Variants in GALNT13 observed in about 807,000 individuals in gnomAD.
GALNT13 encodes polypeptide N-acetylgalactosaminyltransferase 13.
GALNT13 carries 28 observed loss-of-function variants against 64.2 expected under a neutral mutation model. The ratio of observed to expected loss-of-function variants is 0.44; its 90% CI spans 0.32 to 0.60. The LOEUF (loss-of-function observed/expected upper bound fraction) is 0.60. Among genes scored for constraint, GALNT13 ranks in the 20% least tolerant of loss-of-function variants. The pLI, the probability that GALNT13 is intolerant of heterozygous loss-of-function variation, is 0.05. For missense variants in GALNT13, 577 were observed against 669.8 expected (o/e 0.86, Z 1.53); for synonymous variants, 214 against 224.6 (o/e 0.95, Z 0.42).
At chr2:154,150,514 C>T (rs1207125553) in intron 4 of GALNT13, among the ~76,000 whole-genome samples, 9 of 151,902 alleles carry the variant, frequency 5.9e-5, no homozygotes, top group South Asian at 4.2e-4. Context: ...GTACCAGTTC[C>T]TCCTTGTACC....
intron 11 of GALNT13, among the ~76,000 whole-genome samples, chr2:154,424,399 A>G (rs1225194734): frequency 1.3e-5 from 2 of 152,202 alleles, no homozygotes; most frequent in Non-Finnish European, 2.9e-5. Flanking sequence ...TGTATGTGCT[A>G]TATCATATTT....
At chr2:154,300,119 A>C in intron 8 of GALNT13, among the ~76,000 whole-genome samples, 1 of 13,818 alleles carries the variant, frequency 7.2e-5, no homozygotes, top group South Asian at 2.1e-3. Context: ...TTTTTTTTTG[A>C]GATAGAGTTT....
chr2:153,595,539 A>G, the GALNT13 span, among the ~76,000 whole-genome samples: 1 of 152,044 alleles, frequency 6.6e-6, no homozygotes, highest in Non-Finnish European at 1.5e-5. Context: ...TCATAAAGCC[A>G]TTAAATTCTA....
At chr2:154,292,219 C>T (rs1692686536) in intron 8 of GALNT13, among the ~76,000 whole-genome samples, 1 of 152,084 alleles carries the variant, frequency 6.6e-6, no homozygotes, top group African/African-American at 2.4e-5. Flanking sequence ...TAGGTGTATA[C>T]TAGATGTGTC....
chr2:153,753,230 C>T, the GALNT13 span, among the ~76,000 whole-genome samples: 3 of 152,010 alleles, frequency 2.0e-5, no homozygotes, highest in African/African-American at 7.2e-5. Context: ...TCTGTTTCTC[C>T]AGGATTGGTC....
chr2:154,144,928 A>G (rs916642299), intron 4 of GALNT13, among the ~76,000 whole-genome samples: 1 of 151,552 alleles, frequency 6.6e-6, no homozygotes, highest in African/African-American at 2.4e-5. Flanking sequence ...TTTTTTTGAT[A>G]GAAGATGCTA....
At chr2:154,373,178 A>G (rs181593296) in intron 9 of GALNT13, among the ~76,000 whole-genome samples, 1 of 152,096 alleles carries the variant, frequency 6.6e-6, no homozygotes, top group Non-Finnish European at 1.5e-5. Context: ...AACCTTCAAC[A>G]CTTATTTATT....
the GALNT13 span, among the ~76,000 whole-genome samples, chr2:153,431,055 C>T: frequency 1.5e-4 from 22 of 151,022 alleles, no homozygotes; most frequent in African/African-American, 5.4e-4. Context: ...GAGGCTGAGG[C>T]AGGAGAATCA....
intron 8 of GALNT13, among the ~76,000 whole-genome samples, chr2:154,272,496 G>A (rs1024071882): frequency 1.3e-5 from 2 of 152,032 alleles, no homozygotes; most frequent in East Asian, 1.9e-4. Flanking sequence ...GATATTCCAC[G>A]TGCATGTTAC....
the GALNT13 span, among the ~76,000 whole-genome samples, chr2:153,293,420 T>C: frequency 3.3e-5 from 5 of 152,000 alleles, no homozygotes; most frequent in African/African-American, 1.2e-4. Flanking sequence ...AGGGGGAGAT[T>C]TGAAGATGCT....
At chr2:154,133,535 TA>T (rs1242086582) in intron 3 of GALNT13, among the ~76,000 whole-genome samples, 39 of 1,952 alleles carry the variant, frequency 0.02, no homozygotes, top group African/African-American at 0.037. Context: ...CAGACCATTT[TA>T]TATATATATA....
the GALNT13 span, among the ~76,000 whole-genome samples, chr2:153,569,606 G>A: frequency 1.3e-5 from 2 of 151,734 alleles, no homozygotes; most frequent in South Asian, 2.1e-4. Flanking sequence ...ATGTTTTGAT[G>A]CAGGCATGTA....
chr2:154,072,468 A>G (rs1478034696), intron 3 of GALNT13, among the ~76,000 whole-genome samples: 3 of 152,082 alleles, frequency 2.0e-5, no homozygotes, highest in Admixed American at 2.0e-4. Flanking sequence ...AGCTAATTGC[A>G]TCTTACTCTC....
the GALNT13 span, among the ~76,000 whole-genome samples, chr2:153,131,310 A>G: frequency 2.6e-5 from 4 of 152,184 alleles, no homozygotes; most frequent in South Asian, 8.3e-4. Context: ...ATTTTAGTAT[A>G]TATCAGTTTT....
chr2:153,115,808 C>T, the GALNT13 span, among the ~76,000 whole-genome samples: 7 of 152,278 alleles, frequency 4.6e-5, no homozygotes, highest in South Asian at 2.1e-4. Context: ...CTAAAGATGA[C>T]ATTCAGCTAA....
intron 4 of GALNT13, among the ~76,000 whole-genome samples, chr2:154,167,108 G>A (rs190968394): frequency 3.1e-3 from 464 of 152,034 alleles, no homozygotes; most frequent in African/African-American, 7.9e-3. Context: ...CACGTGTATT[G>A]TAGAATTTAA....
At chr2:153,329,135 C>T in the GALNT13 span, among the ~76,000 whole-genome samples, 458 of 152,022 alleles carry the variant, frequency 3.0e-3, 17 homozygotes, top group East Asian at 0.08. Flanking sequence ...GGGCTGCACC[C>T]GCTTTCTAAC....
chr2:153,172,310 G>A, the GALNT13 span, among the ~76,000 whole-genome samples: 1 of 152,166 alleles, frequency 6.6e-6, no homozygotes, highest in Admixed American at 6.5e-5. Flanking sequence ...TTTTCATACA[G>A]TGGAGATAGA....
At chr2:153,499,336 T>C in the GALNT13 span, among the ~76,000 whole-genome samples, 2 of 152,184 alleles carry the variant, frequency 1.3e-5, no homozygotes, top group African/African-American at 4.8e-5. Context: ...GGGATTTTTA[T>C]GGGCTTAGAA....
Sources: allele counts gnomAD v4.1 joint callset (sites outside exome capture counted in the v4.1 genomes callset), GRCh38; gene constraint gnomAD v4.1.1; transcripts MANE v1.5; gene names NCBI Gene and HGNC (gene_info 2026-07-23, HGNC 2026-07-21).